N4BP2L2: variants seen among roughly 807,000 people sequenced by gnomAD.
N4BP2L2 encodes NEDD4-binding protein 2-like 2.
In N4BP2L2, 50 loss-of-function variants were observed where a neutral mutation model predicts 56.2. That is an observed-to-expected ratio of 0.89 (90% CI 0.71 to 1.13). The LOEUF (loss-of-function observed/expected upper bound fraction) is 1.13. Among genes scored for constraint, N4BP2L2 ranks in the 50% most tolerant of loss-of-function variants. The pLI, the probability that N4BP2L2 is intolerant of heterozygous loss-of-function variation, is 0.00. For synonymous variants in N4BP2L2, 203 were observed against 223.6 expected (o/e 0.91, Z 0.82); for missense variants, 689 against 693.8 (o/e 0.99, Z 0.08).
exon 2 of N4BP2L2, chr13:32,536,553 G>C: frequency 6.2e-7 from 1 of 1,613,754 alleles, no homozygotes; most frequent in Non-Finnish European, 8.5e-7. Flanking sequence ...TTAAATTTCT[G>C]TTTCTCTTTT....
chr13:32,485,894 C>T (rs887588962), intron 6 of N4BP2L2, among the ~76,000 whole-genome samples: 2 of 152,056 alleles, frequency 1.3e-5, no homozygotes, highest in African/African-American at 2.4e-5. Flanking sequence ...TATAGTGAGA[C>T]CTTGTCTCTA....
chr13:32,493,311 C>T (rs2087654441), intron 6 of N4BP2L2, among the ~76,000 whole-genome samples: 4 of 151,934 alleles, frequency 2.6e-5, no homozygotes, highest in Non-Finnish European at 5.9e-5. Flanking sequence ...AGTTCTCATG[C>T]CTCTATCTAT....
At chr13:32,449,281 T>C (rs926056952) in intron 6 of N4BP2L2, among the ~76,000 whole-genome samples, 3 of 152,234 alleles carry the variant, frequency 2.0e-5, no homozygotes, top group African/African-American at 4.8e-5. Context: ...TTTGTCTCAC[T>C]AAACATGAAG....
At chr13:32,509,635 C>T (rs1593968686), downstream of N4BP2L2, among the ~76,000 whole-genome samples, 1 of 152,166 alleles carries the variant, frequency 6.6e-6, no homozygotes. Context: ...CCTATAAATA[C>T]TTCAATTTAC....
At chr13:32,494,525 A>G (rs2088014714) in intron 6 of N4BP2L2, among the ~76,000 whole-genome samples, 1 of 152,098 alleles carries the variant, frequency 6.6e-6, no homozygotes, top group Admixed American at 6.5e-5. Context: ...GCACTTTGGG[A>G]GGCCGAGGCG....
rs750030231 is a variant in N4BP2L2, at chr13:32,444,048, CT to C, written c.443del (p.Gln148ArgfsTer13). ...CCTCCATGATTCTATTCTGACTGTT[CT>C]GCTTTTTGTTTCTTTTTCTGTTCCT... is the stretch of plus-strand genomic sequence containing the variant. On this transcript the variant is annotated frameshift_variant, in exon 7 of 10. Coordinates refer to the N4BP2L2 transcript ENST00000357505. LOFTEE classifies it high-confidence loss of function. The C allele has an allele frequency of 6.3e-7, 1 of 1,597,348 alleles. No individual in the cohort carries two copies. The highest frequency in any genetic ancestry group is 1.1e-5 in the South Asian group (1 of 87,328).
intron 2 of N4BP2L2, among the ~76,000 whole-genome samples, chr13:32,529,289 A>C (rs1412328674): frequency 6.6e-6 from 1 of 152,252 alleles, no homozygotes; most frequent in East Asian, 1.9e-4. Context: ...AATGCCAATT[A>C]AAAACTGTGA....
At chr13:32,503,533 C>T (rs2090403867) in intron 6 of N4BP2L2, among the ~76,000 whole-genome samples, 1 of 152,166 alleles carries the variant, frequency 6.6e-6, no homozygotes, top group Non-Finnish European at 1.5e-5. Context: ...ACTTTATTTA[C>T]TTTTATATTT....
intron 2 of N4BP2L2, among the ~76,000 whole-genome samples, chr13:32,530,093 G>A (rs982002755): frequency 8.6e-5 from 13 of 151,924 alleles, no homozygotes; most frequent in African/African-American, 2.9e-4. Flanking sequence ...TCTAAAAAAC[G>A]GTTTAAATTT....
chr13:32,537,365 A>AT (rs2056817613), intron 1 of N4BP2L2, among the ~76,000 whole-genome samples: 2 of 152,166 alleles, frequency 1.3e-5, no homozygotes, highest in South Asian at 2.1e-4. Context: ...AGTAATATAT[A>AT]TTTTTATGAT....
intron 9 of N4BP2L2, among the ~76,000 whole-genome samples, chr13:32,434,683 A>ATT (rs988995695): frequency 1.3e-5 from 2 of 152,114 alleles, no homozygotes; most frequent in Non-Finnish European, 2.9e-5. Flanking sequence ...TTCTCCTGCT[A>ATT]TTTCCCTGTT....
At chr13:32,465,846 G>C (rs2081128175) in intron 6 of N4BP2L2, among the ~76,000 whole-genome samples, 1 of 152,038 alleles carries the variant, frequency 6.6e-6, no homozygotes, top group Non-Finnish European at 1.5e-5. Context: ...TGGAGACAGG[G>C]TTTCACCATG....
chr13:32,458,719 G>C (rs2079440737), intron 6 of N4BP2L2, among the ~76,000 whole-genome samples: 1 of 152,092 alleles, frequency 6.6e-6, no homozygotes, highest in African/African-American at 2.4e-5. Context: ...TCAACTCTCA[G>C]CCTTATAGAT....
intron 8 of N4BP2L2, among the ~76,000 whole-genome samples, chr13:32,436,872 T>TTATC (rs1479891255): frequency 6.7e-6 from 1 of 148,314 alleles, no homozygotes; most frequent in Admixed American, 6.7e-5. Context: ...ATCTATTTAT[T>TTATC]TATTTATTTA....
exon 6 of N4BP2L2, chr13:32,513,031 CA>C (rs570442023): frequency 0.014 from 1,465 of 102,040 alleles, 14 homozygotes; most frequent in African/African-American, 0.042. Context: ...GACTCCGTCT[CA>C]AAAAAAAAAA....
intron 1 of N4BP2L2, 98 bp downstream of exon 1, chr13:32,538,520 G>T (rs1454388818): frequency 1.4e-6 from 1 of 700,344 alleles, no homozygotes; most frequent in Non-Finnish European, 1.8e-6. Flanking sequence ...CAGAGCTTAC[G>T]TCTACGTTTA....
chr13:32,501,059 G>C (rs950306061), intron 6 of N4BP2L2, among the ~76,000 whole-genome samples: 3 of 152,140 alleles, frequency 2.0e-5, no homozygotes, highest in Middle Eastern at 3.4e-3. Context: ...GTAAAGACGA[G>C]GTTTCGCCAT....
intron 6 of N4BP2L2, among the ~76,000 whole-genome samples, chr13:32,448,560 T>A (rs1205770145): frequency 1.3e-5 from 2 of 152,010 alleles, no homozygotes; most frequent in East Asian, 3.9e-4. Context: ...AGCAATGGAG[T>A]GTACCTCTCA....
chr13:32,475,871 C>T (rs974238044), intron 6 of N4BP2L2, among the ~76,000 whole-genome samples: 20 of 151,658 alleles, frequency 1.3e-4, no homozygotes, highest in African/African-American at 4.8e-4. Context: ...AAGAAAAATA[C>T]GGCAAAGGGA....
Sources: allele counts gnomAD v4.1 joint callset (sites outside exome capture counted in the v4.1 genomes callset), GRCh38; gene constraint gnomAD v4.1.1; transcripts MANE v1.5; gene names NCBI Gene and HGNC (gene_info 2026-07-23, HGNC 2026-07-21).